Variants in ERMP1 observed in about 807,000 individuals in gnomAD.
ERMP1 encodes endoplasmic reticulum metallopeptidase 1, also known as Felix-ina.
A neutral mutation model predicts 92.0 loss-of-function variants in ERMP1; 86 were observed. The ratio of observed to expected loss-of-function variants is 0.93; its 90% CI spans 0.79 to 1.12. ERMP1 has a LOEUF of 1.12. Among genes scored for constraint, ERMP1 ranks in the 50% most tolerant of loss-of-function variants. ERMP1 has a pLI of 0.00. For missense variants in ERMP1, 1,342 were observed against 1,116.3 expected (o/e 1.20, Z -2.88); for synonymous variants, 530 against 412.8 (o/e 1.28, Z -3.44).
In ERMP1 at chr9:5,784,866, C is replaced by G. The variant is rs148171732; in HGVS notation, c.*2278G>C. On this transcript the variant is annotated 3_prime_UTR_variant, in exon 15 of 15. Coordinates refer to ENST00000339450, the MANE Select transcript of ERMP1 (RefSeq NM_024896.3). ...TCCCTGAATATGCAGTACTGTACTA[C>G]TAACATCTAATTCTGTAGAAAATAA... is the stretch of plus-strand genomic sequence containing the variant. 3.6e-3 allele frequency: 554 copies of G among 152,644 alleles called. No individual in the cohort carries two copies. Among genetic ancestry groups the G allele is most frequent in the African/African-American group, 0.013 (521 of 41,570 alleles). 9.5% of individuals were successfully genotyped at this position (152,644 alleles called of 1,614,324 possible). A position where few individuals can be genotyped will look rare whatever the true frequency, so the allele number is the denominator to read the frequency against.
chr9:5,859,191 G>A (rs147771452), intron 6 of ERMP1, among the ~76,000 whole-genome samples: 1 of 151,876 alleles, frequency 6.6e-6, no homozygotes, highest in African/African-American at 2.4e-5. Flanking sequence ...TAATTATTTA[G>A]CAGGAAGTCC....
At chr9:5,865,020 G>GT (rs1339718596) in intron 5 of ERMP1, among the ~76,000 whole-genome samples, 1 of 152,132 alleles carries the variant, frequency 6.6e-6, no homozygotes, top group Non-Finnish European at 1.5e-5. Flanking sequence ...TTATGAAGAT[G>GT]TTTTTTGCAA....
intron 6 of ERMP1, chr9:5,856,042 T>C (rs1830369412): frequency 1.1e-5 from 4 of 378,148 alleles, no homozygotes; most frequent in Non-Finnish European, 2.1e-5. Flanking sequence ...CCAGGTTATA[T>C]ACCCTGCTGC....
chr9:5,817,516 T>C (rs1829364487), intron 4 of ERMP1, among the ~76,000 whole-genome samples: 1 of 152,250 alleles, frequency 6.6e-6, no homozygotes, highest in South Asian at 2.1e-4. Flanking sequence ...ATCAGTACCC[T>C]ATCCTACCTC....
At chr9:5,860,659 G>C (rs924434926) in intron 5 of ERMP1, among the ~76,000 whole-genome samples, 4 of 147,072 alleles carry the variant, frequency 2.7e-5, no homozygotes, top group Non-Finnish European at 5.9e-5. Context: ...CTGTTGCCCA[G>C]GCTGGCCTCG....
chr9:5,805,917 ATTTAAAG>A lies in ERMP1; in HGVS notation c.1549-139_1549-133del, dbSNP rs545496512. 132 of 649,486 alleles carry A rather than the reference ATTTAAAG, an allele frequency of 2.0e-4. No homozygotes were observed. The African/African-American group carries it at 2.3e-3, about 11-fold the overall frequency. 40.2% of individuals were successfully genotyped at this position (649,486 alleles called of 1,614,324 possible). ...TAAACACAGTCTGCTCTTTAAACTGATTTAAAGTAAACACTAACAAAGCTACCTCCCC... is the reference window on the plus strand; with the variant it reads ...TAAACACAGTCTGCTCTTTAAACTGATAAACACTAACAAAGCTACCTCCCC... On this transcript the variant is annotated intron_variant, in intron 8 of 14. Coordinates refer to ENST00000339450, the MANE Select transcript of ERMP1 (RefSeq NM_024896.3).
chr9:5,799,964 A>G (rs191068218), intron 11 of ERMP1, among the ~76,000 whole-genome samples: 8 of 152,340 alleles, frequency 5.3e-5, no homozygotes, highest in African/African-American at 1.9e-4. Context: ...CTTCAGGACT[A>G]TAACAAGGAA....
chr9:5,789,157 T>C (rs184697222), intron 13 of ERMP1, among the ~76,000 whole-genome samples: 272 of 152,084 alleles, frequency 1.8e-3, no homozygotes, highest in African/African-American at 6.0e-3. Flanking sequence ...AATCTACACA[T>C]TGAAAGAGAC....
chr9:5,843,180 G>A (rs1407252669), intron 6 of ERMP1, among the ~76,000 whole-genome samples: 1 of 152,246 alleles, frequency 6.6e-6, no homozygotes, highest in Non-Finnish European at 1.5e-5. Context: ...GTTAGAAGGA[G>A]TGGTAAGGAC....
upstream of ERMP1, among the ~76,000 whole-genome samples, chr9:5,833,545 T>A (rs574731422): frequency 6.6e-6 from 1 of 152,310 alleles, no homozygotes; most frequent in East Asian, 1.9e-4. Context: ...TCTTCATAAC[T>A]CAGCAACTTA....
chr9:5,813,740 T>G (rs912593609), intron 4 of ERMP1, among the ~76,000 whole-genome samples: 10 of 151,862 alleles, frequency 6.6e-5, no homozygotes, highest in Non-Finnish European at 1.3e-4. Context: ...ATAAAGTTCC[T>G]TGTTACTTTT....
intron 13 of ERMP1, chr9:5,791,288 G>C (rs761108556): frequency 4.4e-6 from 2 of 456,484 alleles, no homozygotes; most frequent in African/African-American, 2.0e-5. Context: ...GCAGGCTGAA[G>C]AAAAAAGTCA....
chr9:5,850,534 C>T (rs1009621451), intron 6 of ERMP1, among the ~76,000 whole-genome samples: 6 of 151,722 alleles, frequency 4.0e-5, no homozygotes, highest in African/African-American at 1.2e-4. Context: ...TAACAAGTTC[C>T]TCCTGTGACT....
Position 5,805,181 on chromosome 9 carries a change from C to A in ERMP1, c.1760G>T (p.Gly587Val). The change falls in exon 10 of 15, where the codon GGG (glycine) becomes GTG (valine). Residue 587 changes from glycine to valine, a missense_variant. By Grantham distance (109) the Gly-to-Val change is moderately radical. Coordinates refer to ENST00000339450, the MANE Select transcript of ERMP1 (RefSeq NM_024896.3). ...QGKFIAFYLL[G>V]MFIPYLYALY... ...TGCATAAAGATAAGGAATAAACATC[C>A]CCAAAAGGTAAAAAGCAATAAATTT... is the stretch of plus-strand genomic sequence containing the variant. The A allele has an allele frequency of 6.2e-7, 1 of 1,610,030 alleles. No homozygotes were observed. The highest frequency in any genetic ancestry group is 8.5e-7 in the Non-Finnish European group (1 of 1,178,750).
intron 6 of ERMP1, among the ~76,000 whole-genome samples, chr9:5,858,053 A>G (rs1371868059): frequency 6.6e-6 from 1 of 152,224 alleles, no homozygotes. Context: ...CCAGAGCAGA[A>G]GAAAGGGAAG....
At chr9:5,828,754 C>T (rs1189858060) in intron 2 of ERMP1, among the ~76,000 whole-genome samples, 2 of 152,182 alleles carry the variant, frequency 1.3e-5, no homozygotes, top group Non-Finnish European at 2.9e-5. Flanking sequence ...CAGGGGTCCA[C>T]TCAGCTAAGA....
At chr9:5,824,541 T>G (rs559803103) in intron 3 of ERMP1, among the ~76,000 whole-genome samples, 261 of 152,284 alleles carry the variant, frequency 1.7e-3, no homozygotes, top group Middle Eastern at 6.8e-3. Flanking sequence ...TAGCTGGGAT[T>G]ACAGGCACCC....
intron 4 of ERMP1, among the ~76,000 whole-genome samples, chr9:5,821,840 A>G (rs533324558): frequency 3.5e-4 from 54 of 152,368 alleles, no homozygotes; most frequent in Non-Finnish European, 6.6e-4. Context: ...TGGAGCCCTG[A>G]CATTTTTCAC....
chr9:5,839,533 C>T (rs149424507), intron 6 of ERMP1, among the ~76,000 whole-genome samples: 1 of 152,318 alleles, frequency 6.6e-6, no homozygotes, highest in East Asian at 1.9e-4. Flanking sequence ...CATGCTGAAA[C>T]TCGATTGTTT....
Sources: gnomAD v4.1 joint callset for allele counts (sites outside exome capture counted in the v4.1 genomes callset) on GRCh38, gnomAD v4.1.1 for gene constraint, MANE v1.5 for transcripts, NCBI Gene and HGNC (gene_info 2026-07-23, HGNC 2026-07-21) for gene names.